EEFSEC: variants seen among roughly 807,000 people sequenced by gnomAD.
EEFSEC encodes the protein selenocysteine-specific elongation factor.
In EEFSEC, 43 loss-of-function variants were observed where a neutral mutation model predicts 42.1. That is an observed-to-expected ratio of 1.02 (90% CI 0.80 to 1.32). The LOEUF (loss-of-function observed/expected upper bound fraction) is 1.32. EEFSEC is among the 40% of genes most tolerant of loss of function. The pLI is 0.00. For missense variants in EEFSEC, 745 were observed against 803.6 expected (o/e 0.93, Z 0.88); for synonymous variants, 354 against 339.1 (o/e 1.04, Z -0.48).
intron 1 of EEFSEC, among the ~76,000 whole-genome samples, chr3:128,162,522 A>G (rs1018115707): frequency 2.0e-5 from 3 of 152,168 alleles, no homozygotes; most frequent in African/African-American, 7.2e-5. Flanking sequence ...TGTCTGCGGC[A>G]CCTTCTCTTG....
chr3:128,356,514 A>T (rs978716309), intron 5 of EEFSEC, among the ~76,000 whole-genome samples: 2 of 152,206 alleles, frequency 1.3e-5, no homozygotes, highest in East Asian at 3.8e-4. Flanking sequence ...CTGTCTTTGG[A>T]GAAGATGTCA....
At chr3:128,293,278 T>G (rs1219233118) in intron 4 of EEFSEC, among the ~76,000 whole-genome samples, 1 of 152,210 alleles carries the variant, frequency 6.6e-6, no homozygotes, top group Non-Finnish European at 1.5e-5. Flanking sequence ...TTGGCCTAGG[T>G]GAAGGCAGTT....
At chr3:128,350,692 C>A (rs2067374620) in intron 5 of EEFSEC, among the ~76,000 whole-genome samples, 1 of 152,172 alleles carries the variant, frequency 6.6e-6, no homozygotes. Context: ...GTCAGGACAG[C>A]TTGATGTGCT....
At chr3:128,319,237 G>A (rs938711268) in intron 4 of EEFSEC, among the ~76,000 whole-genome samples, 1 of 152,192 alleles carries the variant, frequency 6.6e-6, no homozygotes, top group African/African-American at 2.4e-5. Flanking sequence ...GCAGGCCAGC[G>A]GGCGGGAGCC....
chr3:128,288,053 A>G (rs956424628), intron 4 of EEFSEC, among the ~76,000 whole-genome samples: 2 of 149,148 alleles, frequency 1.3e-5, no homozygotes, highest in Non-Finnish European at 3.0e-5. Flanking sequence ...CATTAGTGAT[A>G]ATACAGGTAC....
At chr3:128,406,674 A>G (rs115313029) in intron 6 of EEFSEC, among the ~76,000 whole-genome samples, 6,659 of 152,040 alleles carry the variant, frequency 0.044, 478 homozygotes, top group African/African-American at 0.15. Context: ...TCAGCTAGGC[A>G]TGGTGGCACG....
At chr3:128,328,471 G>T (rs905635885) in intron 4 of EEFSEC, among the ~76,000 whole-genome samples, 1 of 152,188 alleles carries the variant, frequency 6.6e-6, no homozygotes, top group Non-Finnish European at 1.5e-5. Flanking sequence ...CAAGGAGTGG[G>T]CCGTAAGCCC....
chr3:128,346,170 A>G (rs1175615535), intron 5 of EEFSEC, among the ~76,000 whole-genome samples: 8 of 152,252 alleles, frequency 5.3e-5, no homozygotes, highest in African/African-American at 7.2e-5. Context: ...TTAGTATTAC[A>G]TAGAGCAAAC....
intron 6 of EEFSEC, among the ~76,000 whole-genome samples, chr3:128,394,724 G>T (rs1453765443): frequency 2.6e-5 from 4 of 152,148 alleles, no homozygotes; most frequent in African/African-American, 7.2e-5. Flanking sequence ...AGCCTTGGGG[G>T]GCTGTCTGAG....
chr3:128,349,398 G>A (rs907398881), intron 5 of EEFSEC, among the ~76,000 whole-genome samples: 35 of 152,324 alleles, frequency 2.3e-4, no homozygotes, highest in African/African-American at 6.7e-4. Context: ...GCACCTGGTC[G>A]TCTGGAGCCG....
At chr3:128,313,336 T>C (rs1559915368) in intron 4 of EEFSEC, among the ~76,000 whole-genome samples, 1 of 152,258 alleles carries the variant, frequency 6.6e-6, no homozygotes, top group Non-Finnish European at 1.5e-5. Context: ...GGGTTTATCC[T>C]CCTGGCAACA....
At position 128,160,853 on chromosome 3, in the gene EEFSEC, G is replaced by T. The variant is rs116257396; in HGVS notation, c.316+7030G>T. Among the ~76,000 whole-genome samples, 1,105 of 152,140 alleles carry T rather than the reference G, an allele frequency of 7.3e-3. 20 individuals carry two copies. The highest frequency in any genetic ancestry group is 0.025 in the African/African-American group (1,051 of 41,486). ...ATCCTATCTTAACTTAGAGAAAATT[G>T]GGTTTTATCTCCCTTGATGCATGTG... On this transcript the variant is annotated intron_variant, in intron 1 of 6. Transcript: ENST00000254730.
Position 128,264,734 on chromosome 3 carries a change from T to C in EEFSEC, c.739T>C (p.Ser247Pro). ...QGTVMTGTIL[S>P]GSISLGDSVE... ...CACTGTGATGACAGGGACCATCCTT[T>C]CAGGCTCCATCAGCCTCGGTGACAG... is the stretch of plus-strand genomic sequence containing the variant. The change falls in exon 4 of 7, where the codon TCA becomes CCA. Residue 247 changes from serine (S) to proline (P), a missense_variant. Physicochemically the swap from Ser to Pro is moderately conservative, Grantham distance 74. Transcript: ENST00000254730. 6.2e-7 allele frequency: 1 copy of C among 1,614,138 alleles called. No individual in the cohort carries two copies. The highest frequency in any genetic ancestry group is 8.5e-7 in the Non-Finnish European group (1 of 1,180,012).
intron 4 of EEFSEC, among the ~76,000 whole-genome samples, chr3:128,298,361 T>C (rs2066731672): frequency 6.6e-6 from 1 of 152,202 alleles, no homozygotes; most frequent in African/African-American, 2.4e-5. Flanking sequence ...TTGCCCAGGC[T>C]GGTCTCAAAC....
intron 1 of EEFSEC, among the ~76,000 whole-genome samples, chr3:128,193,776 C>T (rs1356321871): frequency 6.6e-6 from 1 of 152,162 alleles, no homozygotes; most frequent in Non-Finnish European, 1.5e-5. Context: ...TGTACAACTC[C>T]AAAGCCATTT....
intron 4 of EEFSEC, among the ~76,000 whole-genome samples, chr3:128,277,507 G>A (rs1194386275): frequency 6.6e-6 from 1 of 152,162 alleles, no homozygotes; most frequent in Non-Finnish European, 1.5e-5. Context: ...ATTTAAATGA[G>A]ATGATTCTAG....
At chr3:128,295,310 G>A (rs1047399246) in intron 4 of EEFSEC, among the ~76,000 whole-genome samples, 12 of 152,102 alleles carry the variant, frequency 7.9e-5, no homozygotes, top group Non-Finnish European at 1.5e-4. Context: ...GTTCAAATCT[G>A]TCACCTGTTT....
intron 1 of EEFSEC, among the ~76,000 whole-genome samples, chr3:128,216,971 A>G (rs1379775245): frequency 6.6e-6 from 1 of 152,264 alleles, no homozygotes; most frequent in African/African-American, 2.4e-5. Flanking sequence ...GTACATATGT[A>G]GCTCAAGTAT....
intron 6 of EEFSEC, among the ~76,000 whole-genome samples, chr3:128,372,187 T>TG (rs2067661707): frequency 6.6e-6 from 1 of 152,186 alleles, no homozygotes; most frequent in Non-Finnish European, 1.5e-5. Flanking sequence ...AAGTGGAACT[T>TG]GCGATTGGCT....
Sources: gnomAD v4.1 joint callset for allele counts (sites outside exome capture counted in the v4.1 genomes callset) on GRCh38, gnomAD v4.1.1 for gene constraint, MANE v1.5 for transcripts, NCBI Gene and HGNC (gene_info 2026-07-23, HGNC 2026-07-21) for gene names.